Variants in SUGCT observed in about 807,000 individuals in gnomAD.
SUGCT encodes the protein succinyl-CoA:glutarate-CoA transferase, also known as succinyl-CoA:glutarate CoA-transferase.
Under a neutral mutation model 55.0 loss-of-function variants are expected in SUGCT, and 41 were observed. That is an observed-to-expected ratio of 0.74 (90% CI 0.58 to 0.97). The LOEUF is 0.97. Among genes scored for constraint, SUGCT ranks in the 50% least tolerant of loss-of-function variants. The pLI is 0.00. For synonymous variants in SUGCT, 187 were observed against 200.4 expected (o/e 0.93, Z 0.56); for missense variants, 568 against 547.8 (o/e 1.04, Z -0.37).
At chr7:40,148,768 G>A (rs1197132183) in intron 1 of SUGCT, among the ~76,000 whole-genome samples, 1 of 152,202 alleles carries the variant, frequency 6.6e-6, no homozygotes, top group African/African-American at 2.4e-5. Flanking sequence ...GATGAAAGAG[G>A]TTATGGGAAC....
chr7:40,978,083 C>T, the SUGCT span, among the ~76,000 whole-genome samples: 2 of 152,148 alleles, frequency 1.3e-5, no homozygotes, highest in Non-Finnish European at 2.9e-5. Context: ...TTTCCAAAAG[C>T]TCTCAGCTCT....
Position 40,429,593 on chromosome 7 carries a change from G to A in SUGCT, c.817-19694G>A, listed in dbSNP as rs187017780. Among the ~76,000 whole-genome samples the A allele has an allele frequency of 5.0e-3, 767 of 152,276 alleles. 18 individuals are homozygous for A. The South Asian group carries it at 0.06, about 12-fold the overall frequency. ...TTTGACGACAGGAAGCATCCATCAC[G>A]GGAGAAAGATGGAGGCCAGGAGACT... On this transcript the variant is annotated intron_variant, in intron 9 of 13. Transcript: ENST00000335693.
intron 11 of SUGCT, among the ~76,000 whole-genome samples, chr7:40,473,128 TGAA>T (rs1790485176): frequency 6.6e-6 from 1 of 152,212 alleles, no homozygotes; most frequent in African/African-American, 2.4e-5. Flanking sequence ...AATGTTCTGA[TGAA>T]ACACAGTCCA....
the SUGCT span, among the ~76,000 whole-genome samples, chr7:41,029,209 A>C: frequency 2.6e-5 from 4 of 152,184 alleles, no homozygotes; most frequent in Non-Finnish European, 2.9e-5. Context: ...TGACGTGAGC[A>C]TGAGTCACTG....
At chr7:40,190,819 G>A (rs1785852878) in intron 5 of SUGCT, among the ~76,000 whole-genome samples, 1 of 152,148 alleles carries the variant, frequency 6.6e-6, no homozygotes, top group Non-Finnish European at 1.5e-5. Context: ...GCATACTCAA[G>A]TCCTGCAGTC....
rs1439019887 is a variant in SUGCT at position 40,181,018 on chromosome 7, C to G, written c.152+20C>G. Reference sequence around the variant, plus strand: ...AACAAGGTTTGTATTGGTTTATCTACATTTTGGTGATTGGGTTTTTCCCTT... The same window carrying G: ...AACAAGGTTTGTATTGGTTTATCTAGATTTTGGTGATTGGGTTTTTCCCTT... On this transcript the variant is annotated intron_variant, in intron 2 of 13. Coordinates refer to ENST00000335693, the MANE Select transcript of SUGCT (RefSeq NM_001193313.2). 1.3e-6 allele frequency: 2 copies of G among 1,577,008 alleles called. No individual in the cohort carries two copies. The highest frequency in any genetic ancestry group is 1.7e-6 in the Non-Finnish European group (2 of 1,149,966).
chr7:40,415,107 T>TCTATCTATCTATCTATCTGA (rs1554334920), intron 9 of SUGCT, among the ~76,000 whole-genome samples: 1 of 108,012 alleles, frequency 9.3e-6, no homozygotes, highest in African/African-American at 3.5e-5. Flanking sequence ...TATCTATCTA[T>TCTATCTATCTATCTATCTGA]CTATCTATAT....
rs188346563 is a variant in SUGCT, at chr7:40,351,782, A to G, written c.816+34927A>G. Among the ~76,000 whole-genome samples the G allele has an allele frequency of 4.2e-4, 64 of 152,264 alleles. 1 individual carries two copies. Among genetic ancestry groups the G allele is most frequent in the Admixed American group, 3.2e-3 (49 of 15,282 alleles). ...TTTGTCTTCATTTTTTAATCTGTGG[A>G]AAATTTGCTACTCTTGTATGGCTTT... On this transcript the variant is annotated intron_variant, in intron 9 of 13. Coordinates refer to ENST00000335693, the MANE Select transcript of SUGCT (RefSeq NM_001193313.2).
intron 13 of SUGCT, among the ~76,000 whole-genome samples, chr7:40,836,561 C>T (rs1029317916): frequency 2.0e-5 from 3 of 152,166 alleles, no homozygotes; most frequent in African/African-American, 7.2e-5. Context: ...AGAACGATTC[C>T]ATCACAAGGA....
intron 9 of SUGCT, among the ~76,000 whole-genome samples, chr7:40,321,062 T>TTTCTTTC (rs137912436): frequency 4.7e-5 from 7 of 147,992 alleles, no homozygotes; most frequent in African/African-American, 1.7e-4. Flanking sequence ...TTCTTTTCTT[T>TTTCTTTC]TTTCTTTCTT....
intron 13 of SUGCT, among the ~76,000 whole-genome samples, chr7:40,854,408 T>C (rs1400533828): frequency 2.1e-5 from 2 of 94,934 alleles, no homozygotes; most frequent in Non-Finnish European, 4.3e-5. Context: ...TCTTTCTTTC[T>C]TTCTTTCTTT....
At chr7:40,210,211 A>AT (rs978000334) in intron 6 of SUGCT, among the ~76,000 whole-genome samples, 3 of 151,000 alleles carry the variant, frequency 2.0e-5, no homozygotes, top group African/African-American at 2.4e-5. Flanking sequence ...ACGCCCAGCT[A>AT]TTTTTTTTGT....
At chr7:40,828,973 C>T (rs533834236) in intron 13 of SUGCT, among the ~76,000 whole-genome samples, 5 of 152,206 alleles carry the variant, frequency 3.3e-5, no homozygotes, top group South Asian at 2.1e-4. Context: ...ACTTATATTC[C>T]GAGCACCGAT....
chr7:40,946,463 G>A, the SUGCT span, among the ~76,000 whole-genome samples: 1 of 152,134 alleles, frequency 6.6e-6, no homozygotes, highest in African/African-American at 2.4e-5. Flanking sequence ...TGCCTCTGCT[G>A]CACAGAAGAG....
intron 12 of SUGCT, among the ~76,000 whole-genome samples, chr7:40,706,212 G>A (rs1785391320): frequency 6.6e-6 from 1 of 152,150 alleles, no homozygotes; most frequent in African/African-American, 2.4e-5. Flanking sequence ...TTCTGGAAAA[G>A]TCATTATGGA....
chr7:40,189,445 C>G, intron 4 of SUGCT, 99 bp from the exon 5 acceptor site: 1 of 208,196 alleles, frequency 4.8e-6, no homozygotes. Flanking sequence ...GATACATGTG[C>G]ATGTTTGTTA....
chr7:40,894,783 T>C, the SUGCT span, among the ~76,000 whole-genome samples: 1 of 152,186 alleles, frequency 6.6e-6, no homozygotes, highest in Admixed American at 6.5e-5. Flanking sequence ...CCAGTCAGAA[T>C]GGCTATTATT....
chr7:40,812,607 T>G (rs188785491), intron 13 of SUGCT, among the ~76,000 whole-genome samples: 362 of 152,272 alleles, frequency 2.4e-3, no homozygotes, highest in African/African-American at 8.4e-3. Context: ...TATTTGGATC[T>G]TCTCTCTTTT....
At chr7:40,320,993 A>G (rs781541164) in intron 9 of SUGCT, among the ~76,000 whole-genome samples, 5 of 151,158 alleles carry the variant, frequency 3.3e-5, no homozygotes, top group Non-Finnish European at 5.9e-5. Flanking sequence ...CTCTATGTCC[A>G]TGTTATTTAG....
Sources: allele counts gnomAD v4.1 joint callset (sites outside exome capture counted in the v4.1 genomes callset), GRCh38; gene constraint gnomAD v4.1.1; transcripts MANE v1.5; gene names NCBI Gene and HGNC (gene_info 2026-07-23, HGNC 2026-07-21).